Variants in FASTKD5 observed in about 807,000 individuals in gnomAD.
The protein encoded by FASTKD5 is FAST kinase domains 5.
A neutral mutation model predicts 44.0 loss-of-function variants in FASTKD5; 30 were observed. The ratio of observed to expected loss-of-function variants is 0.68; its 90% CI spans 0.51 to 0.93. FASTKD5 has a LOEUF of 0.93. Ranked by LOEUF, FASTKD5 falls within the 40% of genes least tolerant of loss-of-function variation. FASTKD5 has a pLI of 0.00. For missense variants in FASTKD5, 868 were observed against 908.2 expected (o/e 0.96, Z 0.57); for synonymous variants, 335 against 342.2 (o/e 0.98, Z 0.23).
intron 1 of FASTKD5, among the ~76,000 whole-genome samples, chr20:3,152,251 C>T (rs1275722339): frequency 1.3e-5 from 2 of 150,490 alleles, no homozygotes; most frequent in African/African-American, 4.9e-5. Flanking sequence ...GAGGCTGAGG[C>T]GGGTGGATCT....
chr20:3,158,488 A>T (rs988373149), intron 1 of FASTKD5, among the ~76,000 whole-genome samples: 3 of 152,176 alleles, frequency 2.0e-5, no homozygotes, highest in African/African-American at 7.2e-5. Flanking sequence ...TTATTCATTT[A>T]TTTGAGACGG....
At position 3,155,373 on chromosome 20, in the gene FASTKD5, T is replaced by C. The variant is rs146384110; in HGVS notation, c.-191+4393A>G. Among the ~76,000 whole-genome samples, 141 of 152,110 alleles carry C rather than the reference T, an allele frequency of 9.3e-4. No individual in the cohort carries two copies. In the East Asian group the frequency reaches 0.026, roughly 28 times the overall value. On this transcript the variant is annotated intron_variant, in intron 1 of 1. Coordinates refer to ENST00000380266, the MANE Select transcript of FASTKD5 (RefSeq NM_021826.5). ...GGCGAAACCACGTCTCTCCTAAAAATACAAAAAATTAGCCAGGCATGGTGG... is the reference window on the plus strand; with the variant it reads ...GGCGAAACCACGTCTCTCCTAAAAACACAAAAAATTAGCCAGGCATGGTGG...
chr20:3,156,667 G>A (rs1294122826), intron 1 of FASTKD5: 2 of 152,384 alleles, frequency 1.3e-5, no homozygotes, highest in Non-Finnish European at 2.9e-5. Flanking sequence ...TGATTTCACA[G>A]GACTGAAGAA....
At chr20:3,152,215 T>C (rs2066635867) in intron 1 of FASTKD5, among the ~76,000 whole-genome samples, 1 of 150,846 alleles carries the variant, frequency 6.6e-6, no homozygotes, top group Non-Finnish European at 1.5e-5. Context: ...GCACAGTGAC[T>C]CATGTCTGTA....
At chr20:3,151,774 A>T (rs988500402) in intron 1 of FASTKD5, 3 of 152,162 alleles carry the variant, frequency 2.0e-5, no homozygotes, top group Non-Finnish European at 4.4e-5. Context: ...TAGGAAATCC[A>T]ATTAATACTA....
intron 1 of FASTKD5, among the ~76,000 whole-genome samples, chr20:3,158,424 TTA>T (rs1041485498): frequency 6.6e-6 from 1 of 152,218 alleles, no homozygotes; most frequent in African/African-American, 2.4e-5. Context: ...ACTTTTTAAG[TTA>T]TGTTATGCAG....
intron 1 of FASTKD5, among the ~76,000 whole-genome samples, chr20:3,158,626 C>T (rs2122139397): frequency 6.6e-6 from 1 of 152,330 alleles, no homozygotes. Context: ...AGGCGCCCGC[C>T]ACCACGCCCA....
chr20:3,146,577 A>G lies in FASTKD5; in HGVS notation c.*199T>C. ...TATTTACTAAGAGTAACATGTATACATTTGCAGTAATTTGTACAATCCAAC... is the reference window on the plus strand; with the variant it reads ...TATTTACTAAGAGTAACATGTATACGTTTGCAGTAATTTGTACAATCCAAC... On this transcript the variant is annotated 3_prime_UTR_variant, in exon 2 of 2. Coordinates refer to ENST00000380266, the MANE Select transcript of FASTKD5 (RefSeq NM_021826.5). 2 of 589,388 alleles carry G rather than the reference A, an allele frequency of 3.4e-6. No homozygotes were observed. Among genetic ancestry groups the G allele is most frequent in the Non-Finnish European group, 5.9e-6 (2 of 337,148 alleles). 36.5% of individuals were successfully genotyped at this position (589,388 alleles called of 1,614,324 possible). A position where few individuals can be genotyped will look rare whatever the true frequency, so the allele number is the denominator to read the frequency against.
intron 1 of FASTKD5, among the ~76,000 whole-genome samples, chr20:3,150,018 CAA>C (rs1358453716): frequency 2.3e-4 from 25 of 110,444 alleles, no homozygotes; most frequent in African/African-American, 2.0e-4. Context: ...GACTCCATCT[CAA>C]AAAAAAAAAA....
At chr20:3,153,131 T>C (rs2066648815) in intron 1 of FASTKD5, among the ~76,000 whole-genome samples, 1 of 152,226 alleles carries the variant, frequency 6.6e-6, no homozygotes, top group African/African-American at 2.4e-5. Context: ...TAAATGATAT[T>C]AATTTTAAAA....
chr20:3,154,038 A>C (rs1568484075), intron 1 of FASTKD5, among the ~76,000 whole-genome samples: 1 of 152,222 alleles, frequency 6.6e-6, no homozygotes, highest in Non-Finnish European at 1.5e-5. Context: ...TACATGAGGC[A>C]AAGAGTTCGC....
At chr20:3,158,647 T>C (rs1017705239) in intron 1 of FASTKD5, among the ~76,000 whole-genome samples, 2 of 152,148 alleles carry the variant, frequency 1.3e-5, no homozygotes, top group South Asian at 2.1e-4. Flanking sequence ...GCTATTTTTT[T>C]GTATTTTTAG....
chr20:3,146,570 T>C lies in FASTKD5; in HGVS notation c.*206A>G, dbSNP rs780090593. 2 of 572,554 alleles carry C rather than the reference T, an allele frequency of 3.5e-6. No homozygotes were observed. The highest frequency in any genetic ancestry group is 6.1e-6 in the Non-Finnish European group (2 of 326,898). 35.5% of individuals were successfully genotyped at this position (572,554 alleles called of 1,614,324 possible). On this transcript the variant is annotated 3_prime_UTR_variant, in exon 2 of 2. Transcript: ENST00000380266. ...TGTTTATTATTTACTAAGAGTAACA[T>C]GTATACATTTGCAGTAATTTGTACA...
At position 3,148,577 on chromosome 20, in the gene FASTKD5, T is replaced by C; in HGVS notation, c.494A>G (p.Asp165Gly). 1 of 1,614,110 alleles carries C rather than the reference T, an allele frequency of 6.2e-7. No homozygotes were observed. The highest frequency in any genetic ancestry group is 8.5e-7 in the Non-Finnish European group (1 of 1,180,038). The change falls in exon 2 of 2, where the codon GAT becomes GGT. Residue 165 changes from aspartate to glycine, a missense_variant. By Grantham distance (94) the Asp-to-Gly change is moderately conservative. Transcript: ENST00000380266. The part of the protein sequence containing the change: ...QNNLQAQVIV[D>G]YLCKLSSLPA... The stretch of plus-strand genomic sequence containing the variant: ...CAAAGAGCTCAGCTTACACAAATAA[T>C]CAACAATGACTTGAGCCTGGAGATT...
rs1467904490 is a variant in FASTKD5 at position 3,149,282 on chromosome 20, A to G, written c.-190-22T>C. 2 of 555,660 alleles carry G rather than the reference A, an allele frequency of 3.6e-6. No individual in the cohort carries two copies. Among genetic ancestry groups the G allele is most frequent in the Non-Finnish European group, 6.4e-6 (2 of 312,826 alleles). 34.4% of individuals were successfully genotyped at this position (555,660 alleles called of 1,614,324 possible). A position where few individuals can be genotyped will look rare whatever the true frequency, so the allele number is the denominator to read the frequency against. ...GATACTGAAAAAAGGGTAGATGAAGAATGAGTGGCTTCTACCTATAAAAGC... is the reference window on the plus strand; with the variant it reads ...GATACTGAAAAAAGGGTAGATGAAGGATGAGTGGCTTCTACCTATAAAAGC... On this transcript the variant is annotated intron_variant, in intron 1 of 1. Coordinates refer to ENST00000380266, the MANE Select transcript of FASTKD5 (RefSeq NM_021826.5). This position sits in a 1 kb window ranked among gnomAD's most constrained non-coding sequence, Gnocchi z 4.1.
chr20:3,148,274 G>GA lies in FASTKD5; in HGVS notation c.796dup (p.Ser266PhefsTer2), dbSNP rs1436077092. The GA allele has an allele frequency of 3.7e-6, 6 of 1,610,898 alleles. No homozygotes were observed. In the South Asian group the frequency reaches 5.5e-5, roughly 15 times the overall value. ...CTTCCAGTGCAAATTAAGATAACTA[G>GA]AAAAAATGTTTAAAAACCTAGGTAC... On this transcript the variant is annotated frameshift_variant, in exon 2 of 2. Coordinates refer to ENST00000380266, the MANE Select transcript of FASTKD5 (RefSeq NM_021826.5). LOFTEE classifies it high-confidence loss of function.
intron 1 of FASTKD5, among the ~76,000 whole-genome samples, chr20:3,153,509 G>T (rs2066652690): frequency 6.6e-6 from 1 of 152,226 alleles, no homozygotes; most frequent in South Asian, 2.1e-4. Context: ...CCAAGGGATT[G>T]AGTGGAGCCT....
At chr20:3,151,068 TTG>T (rs142154039) in intron 1 of FASTKD5, among the ~76,000 whole-genome samples, 11 of 149,312 alleles carry the variant, frequency 7.4e-5, no homozygotes, top group Admixed American at 2.7e-4. Context: ...GTGTGTGTGT[TTG>T]TGTGTGTGTG....
In FASTKD5 at chr20:3,146,834, C is replaced by T. The variant is rs754823337; in HGVS notation, c.2237G>A (p.Arg746Gln). 1.5e-5 allele frequency: 24 copies of T among 1,614,006 alleles called. No individual in the cohort carries two copies. Among genetic ancestry groups the T allele is most frequent in the Admixed American group, 6.7e-5 (4 of 59,984 alleles). The change falls in exon 2 of 2, where the codon CGA becomes CAA. Residue 746 changes from arginine to glutamine, a missense_variant. Coordinates refer to ENST00000380266, the MANE Select transcript of FASTKD5 (RefSeq NM_021826.5). ...AAACGCCAACTTTTCTAAGCGAGTT[C>T]GTTTCAGTAGTGGGAGCCATTCCCA... Reference protein sequence around the residue: ...SYWEWLPLLKRTRLEKLAFLH... With the variant: ...SYWEWLPLLKQTRLEKLAFLH...
Sources: gnomAD v4.1 joint callset for allele counts (sites outside exome capture counted in the v4.1 genomes callset) on GRCh38, gnomAD v4.1.1 for gene constraint, Gnocchi (gnomAD v3.1) non-coding constraint, MANE v1.5 for transcripts, NCBI Gene and HGNC (gene_info 2026-07-23, HGNC 2026-07-21) for gene names.